The following RASGRF1 variants were observed in gnomAD, a reference collection of about 807,000 sequenced individuals.
RASGRF1 encodes the protein ras-specific guanine nucleotide-releasing factor 1.
A neutral mutation model predicts 138.7 loss-of-function variants in RASGRF1; 40 were observed. That is an observed-to-expected ratio of 0.29 (90% confidence interval 0.22 to 0.38). The LOEUF (loss-of-function observed/expected upper bound fraction) is 0.38. Ranked by LOEUF, RASGRF1 falls within the 10% of genes least tolerant of loss-of-function variation. RASGRF1 has a pLI of 1.00. For synonymous variants in RASGRF1, 614 were observed against 663.2 expected, an observed-to-expected ratio of 0.93 and a Z score of 1.14; for missense variants, 1,108 against 1,650.4, an observed-to-expected ratio of 0.67 and a Z score of 5.69.
intron 26 of RASGRF1, among the ~76,000 whole-genome samples, chr15:78,963,122 G>C (rs936793323): frequency 1.3e-5 from 2 of 152,054 alleles, no homozygotes; most frequent in Non-Finnish European, 2.9e-5. Flanking sequence ...CCCCACTCCT[G>C]CTCTGAAGCA....
chr15:79,017,077 G>T (rs921116550), intron 12 of RASGRF1, among the ~76,000 whole-genome samples: 1 of 152,314 alleles, frequency 6.6e-6, no homozygotes, highest in East Asian at 1.9e-4. Context: ...CCTAAACCCC[G>T]GTGCTGCTGA....
At chr15:78,992,228 A>C (rs1291418285) in intron 20 of RASGRF1, among the ~76,000 whole-genome samples, 2 of 152,196 alleles carry the variant, frequency 1.3e-5, no homozygotes, top group Non-Finnish European at 2.9e-5. Context: ...GGCTCTATAC[A>C]ATTTCCTTTT....
intron 4 of RASGRF1, 40 bp from the exon 5 acceptor site, chr15:79,047,039 A>G: frequency 6.3e-7 from 1 of 1,591,594 alleles, no homozygotes; most frequent in Non-Finnish European, 8.6e-7. Flanking sequence ...CCTGTCAGGG[A>G]GTCTGGACCA....
chr15:79,045,324 A>C (rs2057343142), intron 5 of RASGRF1, among the ~76,000 whole-genome samples: 1 of 152,340 alleles, frequency 6.6e-6, no homozygotes, highest in Middle Eastern at 3.4e-3. Flanking sequence ...CACGTTCTTC[A>C]CATTTTTCAT....
At chr15:79,062,170 C>T (rs1278798266) in intron 2 of RASGRF1, among the ~76,000 whole-genome samples, 2 of 152,142 alleles carry the variant, frequency 1.3e-5, no homozygotes, top group Non-Finnish European at 2.9e-5. Context: ...CAATGTAGTC[C>T]TGGTTATCAG....
chr15:79,027,625 G>T lies in RASGRF1; in HGVS notation c.1381+116C>A. Reference sequence around the variant, plus strand: ...CCTGGGAATATTCTGCAATCACATTGGCAGGTCTTGGCATGTGGCAGCCAA... The same window carrying T: ...CCTGGGAATATTCTGCAATCACATTTGCAGGTCTTGGCATGTGGCAGCCAA... On this transcript the variant is annotated intron_variant, in intron 9 of 26. Coordinates refer to ENST00000558480, the MANE Select transcript of RASGRF1 (RefSeq NM_001145648.3). This position sits in a 1 kb window ranked among gnomAD's most constrained non-coding sequence, Gnocchi z 4.8. The T allele has an allele frequency of 2.5e-6, 2 of 811,870 alleles. No homozygotes were observed. Among genetic ancestry groups the T allele is most frequent in the Non-Finnish European group, 4.1e-6 (2 of 489,166 alleles). The allele number at this position is 811,870 out of a possible 1,614,324, so 50.3% of individuals were successfully genotyped here.
chr15:79,038,343 A>G (rs2057250467), intron 5 of RASGRF1, among the ~76,000 whole-genome samples: 1 of 152,198 alleles, frequency 6.6e-6, no homozygotes, highest in African/African-American at 2.4e-5. Flanking sequence ...GTGTAGCAGC[A>G]TATCAGGAAC....
intron 13 of RASGRF1, among the ~76,000 whole-genome samples, chr15:79,009,429 A>G (rs560781738): frequency 2.0e-5 from 3 of 152,298 alleles, no homozygotes; most frequent in South Asian, 2.1e-4. Flanking sequence ...CTGTCTCTCA[A>G]ATGAAGCCAA....
At chr15:78,971,682 G>C (rs2055763105) in intron 26 of RASGRF1, among the ~76,000 whole-genome samples, 184 bp downstream of exon 26, 1 of 152,192 alleles carries the variant, frequency 6.6e-6, no homozygotes, top group Non-Finnish European at 1.5e-5. Context: ...GTCACAAGAT[G>C]AACACAGGCC....
chr15:79,089,671 AG>A (rs1566976410), intron 1 of RASGRF1, among the ~76,000 whole-genome samples: 1 of 152,230 alleles, frequency 6.6e-6, no homozygotes. Flanking sequence ...CGACCCGTGT[AG>A]CCCCATAACC....
At chr15:79,072,760 A>G (rs1423718534) in intron 1 of RASGRF1, among the ~76,000 whole-genome samples, 1 of 152,194 alleles carries the variant, frequency 6.6e-6, no homozygotes, top group Non-Finnish European at 1.5e-5. Flanking sequence ...CAGAGGCCAG[A>G]GACAGATCCC....
Position 78,990,277 on chromosome 15 carries a change from T to G in RASGRF1, c.3132-4A>C. 1 of 1,593,524 alleles carries G rather than the reference T, an allele frequency of 6.3e-7. No individual in the cohort carries two copies. The highest frequency in any genetic ancestry group is 8.6e-7 in the Non-Finnish European group (1 of 1,161,168). Reference sequence around the variant, plus strand: ...CCATCCTTGTCCGAAGAACTCCCTGTAGGAAGTAAGGGGAGACCCAGGTGG... The same window carrying G: ...CCATCCTTGTCCGAAGAACTCCCTGGAGGAAGTAAGGGGAGACCCAGGTGG... On this transcript the variant is annotated splice_region_variant and splice_polypyrimidine_tract_variant and intron_variant, in intron 21 of 26. Transcript: ENST00000558480.
chr15:79,018,036 C>T, intron 11 of RASGRF1, 130 bp from the exon 12 acceptor site: 1 of 1,130,480 alleles, frequency 8.8e-7, no homozygotes, highest in South Asian at 1.5e-5. Flanking sequence ...CCAATTGCTG[C>T]TACTTTCAGA....
intron 1 of RASGRF1, among the ~76,000 whole-genome samples, chr15:79,070,222 C>T (rs1050452267): frequency 4.6e-5 from 7 of 152,176 alleles, no homozygotes; most frequent in African/African-American, 1.4e-4. Flanking sequence ...AGATGGAGAG[C>T]ACATGGAAGT....
chr15:78,988,073 C>T (rs1428812061), intron 22 of RASGRF1, among the ~76,000 whole-genome samples: 3 of 152,190 alleles, frequency 2.0e-5, no homozygotes, highest in Non-Finnish European at 2.9e-5. Context: ...TGGATTTGAA[C>T]AGAGATGGCC....
In RASGRF1 at chr15:78,962,031, T is replaced by C; in HGVS notation, c.*113A>G. On this transcript the variant is annotated 3_prime_UTR_variant, in exon 27 of 27. Transcript: ENST00000558480. The stretch of plus-strand genomic sequence containing the variant: ...GGAATCTAAGAACAAGGACGATTTG[T>C]ATTCTTGGAGAAGCACATACTGAAG... The C allele has an allele frequency of 1.4e-6, 1 of 689,770 alleles. No individual in the cohort carries two copies. The highest frequency in any genetic ancestry group is 2.5e-6 in the Non-Finnish European group (1 of 396,370). The allele number at this position is 689,770 out of a possible 1,614,324, so 42.7% of individuals were successfully genotyped here.
At chr15:79,005,548 C>T in intron 14 of RASGRF1, 1 of 985,730 alleles carries the variant, frequency 1.0e-6, no homozygotes, top group Non-Finnish European at 1.2e-6. Flanking sequence ...CTGAACTTGG[C>T]CTACTGCTGG....
At chr15:78,967,678 T>C (rs992377603) in intron 26 of RASGRF1, among the ~76,000 whole-genome samples, 3 of 152,252 alleles carry the variant, frequency 2.0e-5, no homozygotes, top group African/African-American at 7.2e-5. Flanking sequence ...TCTTCCAGTA[T>C]TTATATCTGT....
At chr15:78,975,631 C>T (rs2055856348) in intron 24 of RASGRF1, among the ~76,000 whole-genome samples, 1 of 152,020 alleles carries the variant, frequency 6.6e-6, no homozygotes, top group Admixed American at 6.6e-5. Flanking sequence ...CCTGCCTCAG[C>T]CTCCTAAGTA....
Sources: gnomAD v4.1 joint callset for allele counts (sites outside exome capture counted in the v4.1 genomes callset) on GRCh38, gnomAD v4.1.1 for gene constraint, Gnocchi (gnomAD v3.1) non-coding constraint, MANE v1.5 for transcripts, NCBI Gene and HGNC (gene_info 2026-07-23, HGNC 2026-07-21) for gene names.